The following NDUFAF2 variants were observed in gnomAD, a reference collection of about 807,000 sequenced individuals.
NDUFAF2 encodes NADH dehydrogenase [ubiquinone] 1 alpha subcomplex assembly factor 2.
NDUFAF2 carries 13 observed loss-of-function variants against 22.8 expected under a neutral mutation model. The observed-to-expected ratio is 0.57, with a 90% confidence interval of 0.37 to 0.91. The LOEUF is 0.91. NDUFAF2 is among the 40% of genes least tolerant of loss of function. NDUFAF2 has a pLI of 0.01. For missense variants in NDUFAF2, 162 were observed against 195.2 expected (o/e 0.83, Z 1.01); for synonymous variants, 53 against 64.2 (o/e 0.83, Z 0.84).
chr5:61,148,421 C>T (rs113019391), intron 3 of NDUFAF2, among the ~76,000 whole-genome samples: 1 of 152,148 alleles, frequency 6.6e-6, no homozygotes, highest in African/African-American at 2.4e-5. Context: ...TAGTAGATTA[C>T]CTCTTACTAA....
intron 1 of NDUFAF2, among the ~76,000 whole-genome samples, chr5:61,052,149 G>A (rs1752032154): frequency 1.3e-5 from 2 of 148,156 alleles, no homozygotes; most frequent in African/African-American, 4.9e-5. Context: ...AAGCTTCTTG[G>A]TAGTCAGTCC....
chr5:61,086,707 A>T (rs1752509140), intron 2 of NDUFAF2, among the ~76,000 whole-genome samples: 1 of 152,166 alleles, frequency 6.6e-6, no homozygotes, highest in Non-Finnish European at 1.5e-5. Context: ...AAATCTTTCA[A>T]TTATGAGTAG....
intron 3 of NDUFAF2, among the ~76,000 whole-genome samples, chr5:61,128,408 G>T (rs1280314772): frequency 6.6e-6 from 1 of 152,116 alleles, no homozygotes; most frequent in Admixed American, 6.6e-5. Context: ...ATACTACAAG[G>T]CTACAGTAAC....
chr5:61,139,644 C>T (rs188826851), intron 3 of NDUFAF2, among the ~76,000 whole-genome samples: 1 of 152,314 alleles, frequency 6.6e-6, no homozygotes, highest in African/African-American at 2.4e-5. Flanking sequence ...AGGAGGCAGC[C>T]AAATGCCTAG....
chr5:61,124,245 T>C (rs1355449503), intron 3 of NDUFAF2, among the ~76,000 whole-genome samples: 1 of 152,118 alleles, frequency 6.6e-6, no homozygotes, highest in African/African-American at 2.4e-5. Context: ...AGTGCTGTTG[T>C]GCTCTTTTTA....
chr5:60,951,897 T>C (rs1750552467), intron 1 of NDUFAF2, among the ~76,000 whole-genome samples: 1 of 151,964 alleles, frequency 6.6e-6, no homozygotes, highest in Non-Finnish European at 1.5e-5. Context: ...TTTAATATCT[T>C]TGGCAGGTAT....
intron 1 of NDUFAF2, among the ~76,000 whole-genome samples, chr5:61,025,682 T>G (rs569992531): frequency 6.6e-6 from 1 of 152,018 alleles, no homozygotes; most frequent in Non-Finnish European, 1.5e-5. Context: ...TCATTAACCT[T>G]GAAGTTACTA....
intron 3 of NDUFAF2, among the ~76,000 whole-genome samples, chr5:61,133,198 GC>G (rs1310556559): frequency 6.6e-6 from 1 of 151,966 alleles, no homozygotes; most frequent in Non-Finnish European, 1.5e-5. Context: ...GTTGTGCTAC[GC>G]TGTGGGTAAA....
chr5:61,120,466 G>A lies in NDUFAF2; in HGVS notation c.258+21434G>A, dbSNP rs140229201. On this transcript the variant is annotated intron_variant, in intron 3 of 3. Coordinates refer to ENST00000296597, the MANE Select transcript of NDUFAF2 (RefSeq NM_174889.5). ...AGTTTCAAGGATCCCACCTTTCTCA[G>A]TCTAAAAGGACGGTTTCTTACATAC... is the stretch of plus-strand genomic sequence containing the variant. Among the ~76,000 whole-genome samples, 21 of 152,216 alleles carry A rather than the reference G, an allele frequency of 1.4e-4. No homozygotes were observed. In the East Asian group the frequency reaches 4.1e-3, roughly 29 times the overall value.
intron 1 of NDUFAF2, among the ~76,000 whole-genome samples, chr5:61,066,103 T>G (rs1752224465): frequency 6.6e-6 from 1 of 152,096 alleles, no homozygotes; most frequent in South Asian, 2.1e-4. Context: ...CCATCCCATT[T>G]ATGACAGCAT....
intron 3 of NDUFAF2, among the ~76,000 whole-genome samples, chr5:61,141,459 G>A (rs1741056535): frequency 6.6e-6 from 1 of 152,010 alleles, no homozygotes; most frequent in Non-Finnish European, 1.5e-5. Context: ...ATATATGCAT[G>A]AACCAATCAG....
At chr5:61,107,800 A>C in intron 3 of NDUFAF2, among the ~76,000 whole-genome samples, 2 of 139,468 alleles carry the variant, frequency 1.4e-5, no homozygotes, top group African/African-American at 2.7e-5. Context: ...ATATCTCCCA[A>C]TGCTATCCCT....
At chr5:61,107,357 A>G (rs901123354) in intron 3 of NDUFAF2, among the ~76,000 whole-genome samples, 2 of 151,382 alleles carry the variant, frequency 1.3e-5, no homozygotes, top group South Asian at 2.1e-4. Context: ...GCACTTTTTC[A>G]TATACCTGTT....
Position 61,100,740 on chromosome 5 carries a change from C to T in NDUFAF2, c.258+1708C>T, listed in dbSNP as rs1351883472. On this transcript the variant is annotated intron_variant, in intron 3 of 3. Coordinates refer to ENST00000296597, the MANE Select transcript of NDUFAF2 (RefSeq NM_174889.5). ...TTTTTTCCTTGAAGTAAGTTGTGCTCGCTTTCCCACGCCCCACATAAAGAA... is the reference window on the plus strand; with the variant it reads ...TTTTTTCCTTGAAGTAAGTTGTGCTTGCTTTCCCACGCCCCACATAAAGAA... Among the ~76,000 whole-genome samples the T allele has an allele frequency of 3.9e-5, 6 of 152,242 alleles. No individual in the cohort carries two copies. In the South Asian group the frequency reaches 1.2e-3, roughly 32 times the overall value.
At chr5:60,954,784 G>A (rs2112564357) in intron 1 of NDUFAF2, among the ~76,000 whole-genome samples, 1 of 151,190 alleles carries the variant, frequency 6.6e-6, no homozygotes, top group African/African-American at 2.4e-5. Flanking sequence ...ATCCTAACAA[G>A]TATAAGGTGA....
chr5:61,138,212 G>A (rs902672445), intron 3 of NDUFAF2, among the ~76,000 whole-genome samples: 9 of 152,112 alleles, frequency 5.9e-5, no homozygotes, highest in African/African-American at 4.8e-5. Flanking sequence ...TGGCATGAAA[G>A]GTCACTCTGA....
At chr5:60,950,193 T>A (rs1195927733) in intron 1 of NDUFAF2, among the ~76,000 whole-genome samples, 2 of 152,144 alleles carry the variant, frequency 1.3e-5, no homozygotes, top group Non-Finnish European at 2.9e-5. Context: ...CTTTCATTTT[T>A]TTTTTCCCCA....
At chr5:61,007,985 A>G (rs1751391555) in intron 1 of NDUFAF2, among the ~76,000 whole-genome samples, 1 of 152,124 alleles carries the variant, frequency 6.6e-6, no homozygotes, top group Non-Finnish European at 1.5e-5. Context: ...AAAAATGATG[A>G]TTTCATGTCC....
rs572200455 is a variant in NDUFAF2, at chr5:60,955,160, G to T, written c.127+9778G>T. Among the ~76,000 whole-genome samples, 9 of 152,280 alleles carry T rather than the reference G, an allele frequency of 5.9e-5. No individual in the cohort carries two copies. In the East Asian group the frequency reaches 1.7e-3, roughly 29 times the overall value. On this transcript the variant is annotated intron_variant, in intron 1 of 3. Coordinates refer to ENST00000296597, the MANE Select transcript of NDUFAF2 (RefSeq NM_174889.5). The stretch of plus-strand genomic sequence containing the variant: ...TCATTGCCAAAGCCAATGTCAAGAA[G>T]CTTTTTCCCTGTTTTCTTCTAAGAG...
Sources: allele counts gnomAD v4.1 joint callset (sites outside exome capture counted in the v4.1 genomes callset), GRCh38; gene constraint gnomAD v4.1.1; transcripts MANE v1.5; gene names NCBI Gene and HGNC (gene_info 2026-07-23, HGNC 2026-07-21).